The following RNF17 variants were observed in gnomAD, a reference collection of about 807,000 sequenced individuals.
The protein encoded by RNF17 is spermatogenesis associated 23.
Under a neutral mutation model 200.5 loss-of-function variants are expected in RNF17, and 31 were observed. The ratio of observed to expected loss-of-function variants is 0.15; its 90% CI spans 0.12 to 0.21. RNF17 has a LOEUF of 0.21. RNF17 is among the 10% of genes least tolerant of loss of function. The pLI, the probability that RNF17 is intolerant of heterozygous loss-of-function variation, is 1.00. For missense variants in RNF17, 1,628 were observed against 1,905.1 expected, an observed-to-expected ratio of 0.85 and a Z score of 2.71; for synonymous variants, 606 against 637.8, an observed-to-expected ratio of 0.95 and a Z score of 0.75.
downstream of RNF17, chr13:24,882,303 TATTC>T (rs1395863324): frequency 6.6e-6 from 1 of 151,630 alleles, no homozygotes; most frequent in African/African-American, 2.4e-5. Context: ...TTATTTTTCA[TATTC>T]AGTTAAGTCA....
In RNF17 at chr13:24,793,280, G is replaced by T; in HGVS notation, c.1174G>T (p.Val392Leu). Residue 392 changes from valine to leucine, a missense_variant, in exon 10 of 36, where the codon GTG (valine) becomes TTG (leucine). By Grantham distance (32) the Val-to-Leu change is conservative. Coordinates refer to ENST00000255324, the MANE Select transcript of RNF17 (RefSeq NM_031277.3). ...AACAGCATCCCCTAAAACCATTGCT[G>T]TGTTACCTCAGATGGGATCTAGCCC... ...VATASPKTIA[V>L]LPQMGSSPDV... The T allele has an allele frequency of 1.2e-6, 2 of 1,613,878 alleles. No individual in the cohort carries two copies. The highest frequency in any genetic ancestry group is 1.3e-5 in the African/African-American group (1 of 75,028).
chr13:24,879,514 G>C (rs970473630), intron 35 of RNF17, among the ~76,000 whole-genome samples: 1 of 152,186 alleles, frequency 6.6e-6, no homozygotes, highest in Non-Finnish European at 1.5e-5. Flanking sequence ...GACTCTGACA[G>C]TACCAGGGTA....
downstream of RNF17, chr13:24,883,081 CACACAT>C: frequency 9.1e-7 from 1 of 1,101,836 alleles, no homozygotes; most frequent in South Asian, 1.3e-5. Context: ...ATCTTTTCCC[CACACAT>C]ACACAATAAA....
intron 26 of RNF17, 127 bp from the exon 27 acceptor site, chr13:24,861,141 A>C (rs895983810): frequency 3.0e-6 from 2 of 677,686 alleles, no homozygotes; most frequent in African/African-American, 3.9e-5. Context: ...TGCCTCCCAG[A>C]GTGCTGGGAT....
intron 7 of RNF17, among the ~76,000 whole-genome samples, chr13:24,788,679 T>C (rs926213263): frequency 6.6e-6 from 1 of 152,298 alleles, no homozygotes; most frequent in Non-Finnish European, 1.5e-5. Flanking sequence ...CATCTAATCA[T>C]GTGCCTGAGG....
At chr13:24,749,322 T>TTTTTTA in the RNF17 span, among the ~76,000 whole-genome samples, 1 of 147,060 alleles carries the variant, frequency 6.8e-6, no homozygotes. Flanking sequence ...TTTTTTTTTT[T>TTTTTTA]GAGACAGAGT....
the RNF17 span, among the ~76,000 whole-genome samples, chr13:24,756,062 A>G: frequency 3.3e-5 from 5 of 152,190 alleles, no homozygotes; most frequent in African/African-American, 1.2e-4. Context: ...TGTATATTGA[A>G]TTAATTACTG....
rs1884091369 is a variant in RNF17 at position 24,793,140 on chromosome 13, A to G, written c.1034A>G (p.Lys345Arg). The change falls in exon 10 of 36, where the codon AAG becomes AGG. Residue 345 changes from lysine (K) to arginine (R), a missense_variant. Physicochemically the swap from Lys to Arg is conservative, Grantham distance 26. Around this residue, in one of 5 missense-constraint regions of RNF17, gnomAD observed 502 missense variants for 501.7 expected, o/e 1.00. Transcript: ENST00000255324. ...TACGATACATACCCACCGCTAGAAA[A>G]GAAAAAGGTTGACATGTCTGTCCTA... ...SCYDTYPPLE[K>R]KKVDMSVLTS... 4.3e-6 allele frequency: 7 copies of G among 1,613,914 alleles called. No homozygotes were observed. The highest frequency in any genetic ancestry group is 1.7e-5 in the Admixed American group (1 of 59,982).
chr13:24,813,456 C>G (rs889027895), intron 15 of RNF17, among the ~76,000 whole-genome samples: 2 of 152,144 alleles, frequency 1.3e-5, no homozygotes, highest in Admixed American at 1.3e-4. Flanking sequence ...ATGCCCAAAC[C>G]TTTGTCCATT....
chr13:24,758,047 A>G, the RNF17 span, among the ~76,000 whole-genome samples: 1 of 152,142 alleles, frequency 6.6e-6, no homozygotes, highest in African/African-American at 2.4e-5. Context: ...GCTTCCCCTC[A>G]CTTTCCACCA....
At chr13:24,826,039 C>T in intron 16 of RNF17, 1 of 984,270 alleles carries the variant, frequency 1.0e-6, no homozygotes, top group Non-Finnish European at 1.2e-6. Context: ...TATTCAAAAA[C>T]CGGTGAACTC....
At chr13:24,794,559 C>T (rs1020294946) in intron 10 of RNF17, among the ~76,000 whole-genome samples, 2 of 152,046 alleles carry the variant, frequency 1.3e-5, no homozygotes, top group African/African-American at 2.4e-5. Context: ...ACTGTGGTCT[C>T]AGCTATTCAG....
In RNF17 at chr13:24,767,349, A is replaced by G. The variant is rs1220156429; in HGVS notation, c.208A>G (p.Ile70Val). The change falls in exon 2 of 36, where the codon ATA (isoleucine) becomes GTA (valine). Residue 70 changes from isoleucine to valine, a missense_variant. This residue lies in a region of RNF17 where 502 missense variants were observed against 501.7 expected (regional missense o/e 1.00). Transcript: ENST00000255324. ...AATGACTGAAGAATGCACCACAATT[A>G]TATGCCCTGATTGTGAGGTAAGTGT... ...LLMTEECTTI[I>V]CPDCEVATAV... 1 of 1,604,414 alleles carries G rather than the reference A, an allele frequency of 6.2e-7. No homozygotes were observed. The highest frequency in any genetic ancestry group is 1.3e-5 in the African/African-American group (1 of 74,836).
At chr13:24,844,924 T>C (rs1354214143) in intron 21 of RNF17, 37 bp from the exon 22 acceptor site, 12 of 1,555,970 alleles carry the variant, frequency 7.7e-6, no homozygotes, top group Non-Finnish European at 1.1e-5. Context: ...TTTCGAAATG[T>C]TGTTTGTCTG....
chr13:24,849,210 A>G (rs1566220254), intron 22 of RNF17, among the ~76,000 whole-genome samples: 1 of 152,232 alleles, frequency 6.6e-6, no homozygotes, highest in Non-Finnish European at 1.5e-5. Flanking sequence ...GGCTAGCTCA[A>G]TGAAACTCTG....
chr13:24,833,081 C>T (rs1889592492), intron 18 of RNF17, among the ~76,000 whole-genome samples: 1 of 152,076 alleles, frequency 6.6e-6, no homozygotes, highest in Non-Finnish European at 1.5e-5. Context: ...TTGATCAGTT[C>T]CAAAGTTGTA....
At chr13:24,843,678 G>C in intron 19 of RNF17, 66 bp from the exon 20 acceptor site, 1 of 918,174 alleles carries the variant, frequency 1.1e-6, no homozygotes, top group South Asian at 1.4e-5. Context: ...TCAAGATACA[G>C]ACCTGAGCAA....
At chr13:24,847,458 A>T (rs1171162289) in intron 22 of RNF17, among the ~76,000 whole-genome samples, 1 of 150,704 alleles carries the variant, frequency 6.6e-6, no homozygotes, top group Non-Finnish European at 1.5e-5. Flanking sequence ...CGATTCTCCC[A>T]CCTCAGCCTC....
chr13:24,843,525 A>G (rs1033752823), intron 19 of RNF17, among the ~76,000 whole-genome samples: 1 of 152,132 alleles, frequency 6.6e-6, no homozygotes, highest in African/African-American at 2.4e-5. Context: ...TTAAAAAAAA[A>G]AAATTTTTTT....
Sources: gnomAD v4.1 joint callset for allele counts (sites outside exome capture counted in the v4.1 genomes callset) on GRCh38, gnomAD v4.1.1 for gene constraint, gnomAD v4.1.1 regional missense constraint, MANE v1.5 for transcripts, NCBI Gene and HGNC (gene_info 2026-07-23, HGNC 2026-07-21) for gene names.